TNRC6B: variants seen among roughly 807,000 people sequenced by gnomAD.
TNRC6B encodes the protein trinucleotide repeat containing adaptor 6B.
Under a neutral mutation model 203.6 loss-of-function variants are expected in TNRC6B, and 52 were observed. That is an observed-to-expected ratio of 0.26 (90% CI 0.20 to 0.32). TNRC6B has a LOEUF of 0.32. Among genes scored for constraint, TNRC6B ranks in the 10% least tolerant of loss-of-function variants. The pLI is 1.00. For missense variants in TNRC6B, 1,923 were observed against 2,286.2 expected, an observed-to-expected ratio of 0.84 and a Z score of 3.24; for synonymous variants, 838 against 845.7, an observed-to-expected ratio of 0.99 and a Z score of 0.16.
chr22:40,294,021 G>C (rs1375908313), intron 12 of TNRC6B, among the ~76,000 whole-genome samples: 1 of 139,190 alleles, frequency 7.2e-6, no homozygotes, highest in East Asian at 2.1e-4. Context: ...ACAGGCACTT[G>C]AGCCTAGGAG....
At chr22:40,045,180 C>G (rs1175581230) in intron 1 of TNRC6B, among the ~76,000 whole-genome samples, 1 of 142,650 alleles carries the variant, frequency 7.0e-6, no homozygotes. Context: ...GGGAGCGGGC[C>G]GGGGAGGGGG....
intron 2 of TNRC6B, among the ~76,000 whole-genome samples, chr22:40,121,593 G>C (rs2068446124): frequency 6.6e-6 from 1 of 152,172 alleles, no homozygotes; most frequent in Admixed American, 6.5e-5. Flanking sequence ...CCTTTGCTGA[G>C]GCCAGCACAG....
chr22:40,180,568 G>A (rs1234024569), intron 1 of TNRC6B, among the ~76,000 whole-genome samples: 1 of 152,150 alleles, frequency 6.6e-6, no homozygotes, highest in African/African-American at 2.4e-5. Context: ...TTGATAGCTC[G>A]ACTGCCATTT....
intron 1 of TNRC6B, among the ~76,000 whole-genome samples, chr22:40,180,028 C>G (rs1009957152): frequency 1.3e-5 from 2 of 152,100 alleles, no homozygotes; most frequent in Non-Finnish European, 2.9e-5. Context: ...ATAAATTCAG[C>G]TTTTGTGTAA....
chr22:40,141,851 T>G (rs1236263702), intron 3 of TNRC6B, among the ~76,000 whole-genome samples: 1 of 152,042 alleles, frequency 6.6e-6, no homozygotes, highest in African/African-American at 2.4e-5. Flanking sequence ...CTCTGCTCAC[T>G]GCAAGCTCTG....
intron 19 of TNRC6B, among the ~76,000 whole-genome samples, chr22:40,314,843 G>A (rs922324751): frequency 6.6e-6 from 1 of 152,116 alleles, no homozygotes; most frequent in Non-Finnish European, 1.5e-5. Flanking sequence ...CTAATAGACT[G>A]GATCAAGGCA....
intron 15 of TNRC6B, among the ~76,000 whole-genome samples, chr22:40,304,897 T>A (rs6001871): frequency 1.3e-3 from 198 of 152,362 alleles, no homozygotes; most frequent in African/African-American, 4.6e-3. Flanking sequence ...AGTGTACATG[T>A]GGACACGGAC....
chr22:40,141,466 G>A (rs1679867950), intron 3 of TNRC6B, among the ~76,000 whole-genome samples: 1 of 151,814 alleles, frequency 6.6e-6, no homozygotes, highest in South Asian at 2.1e-4. Context: ...CCAAAGTGCT[G>A]GGATCAAATT....
chr22:40,171,655 A>T (rs933039892), intron 4 of TNRC6B, among the ~76,000 whole-genome samples: 3 of 152,134 alleles, frequency 2.0e-5, no homozygotes, highest in African/African-American at 7.2e-5. Context: ...TAATGGATAA[A>T]ATGGCGCTGT....
At chr22:40,237,616 G>A (rs1395688025) in intron 1 of TNRC6B, among the ~76,000 whole-genome samples, 1 of 152,154 alleles carries the variant, frequency 6.6e-6, no homozygotes, top group Non-Finnish European at 1.5e-5. Context: ...GAAGGAAGAA[G>A]TGGGGGTAGC....
chr22:40,143,258 C>T (rs1022223485), intron 3 of TNRC6B, among the ~76,000 whole-genome samples: 17 of 151,950 alleles, frequency 1.1e-4, no homozygotes, highest in African/African-American at 1.7e-4. Flanking sequence ...GGCAAGACCC[C>T]GACTCTACAA....
intron 1 of TNRC6B, among the ~76,000 whole-genome samples, chr22:40,085,880 G>GTTGTTGTTGTTT (rs1257543600): frequency 6.6e-6 from 1 of 151,828 alleles, no homozygotes; most frequent in Non-Finnish European, 1.5e-5. Flanking sequence ...TGTTGTTGTT[G>GTTGTTGTTGTTT]TTGTTGTTGA....
Position 40,330,332 on chromosome 22 carries a change from C to G in TNRC6B, c.*7091C>G, listed in dbSNP as rs542848944. The G allele has an allele frequency of 2.6e-5, 4 of 152,314 alleles. No individual in the cohort carries two copies. The East Asian group carries it at 7.7e-4, about 29-fold the overall frequency. 9.4% of individuals were successfully genotyped at this position (152,314 alleles called of 1,614,324 possible). ...TTCTCTCCCGCCTTCCGGAATCTGG[C>G]GTTCCTTCCCCTTCGGCTACTGAAA... On this transcript the variant is annotated 3_prime_UTR_variant, in exon 23 of 23. Coordinates refer to ENST00000454349, the MANE Select transcript of TNRC6B (RefSeq NM_001162501.2).
At chr22:40,224,851 G>T (rs940863148) in intron 1 of TNRC6B, among the ~76,000 whole-genome samples, 4 of 152,180 alleles carry the variant, frequency 2.6e-5, no homozygotes, top group Non-Finnish European at 5.9e-5. Context: ...TTCTCCGGGC[G>T]CCGTGTGCCT....
chr22:40,238,148 C>T (rs1049947743), intron 1 of TNRC6B, among the ~76,000 whole-genome samples: 1 of 151,982 alleles, frequency 6.6e-6, no homozygotes, highest in African/African-American at 2.4e-5. Flanking sequence ...GTGTTTGTGC[C>T]ACGGACATAG....
chr22:40,174,168 T>TC (rs1491183594), upstream of TNRC6B, among the ~76,000 whole-genome samples: 2 of 151,110 alleles, frequency 1.3e-5, no homozygotes, highest in East Asian at 3.9e-4. Context: ...TTTTTCTTTT[T>TC]CTTTTTTTTT....
At position 40,177,937 on chromosome 22, in the gene TNRC6B, G is replaced by GGA. The variant is rs530386816; in HGVS notation, c.-189_-188dup. On this transcript the variant is annotated 5_prime_UTR_variant, in exon 1 of 23. Coordinates refer to ENST00000454349, the MANE Select transcript of TNRC6B (RefSeq NM_001162501.2). The stretch of plus-strand genomic sequence containing the variant: ...AGCTGCTTCCTTTAGAGACAGAGAG[G>GGA]GAGAGAGAGAGCAAGAGGGAGAGTG... 5.1e-6 allele frequency: 7 copies of GGA among 1,382,848 alleles called. No individual in the cohort carries two copies. Among genetic ancestry groups the GGA allele is most frequent in the East Asian group, 2.7e-5 (1 of 36,808 alleles). 85.7% of individuals were successfully genotyped at this position (1,382,848 alleles called of 1,614,324 possible).
intron 1 of TNRC6B, among the ~76,000 whole-genome samples, chr22:40,189,129 G>A (rs929367658): frequency 1.3e-5 from 2 of 152,238 alleles, no homozygotes; most frequent in Non-Finnish European, 2.9e-5. Flanking sequence ...AGTAGAAGAT[G>A]GATATTTTTG....
At chr22:40,084,475 T>C (rs2068086191) in intron 1 of TNRC6B, among the ~76,000 whole-genome samples, 1 of 152,188 alleles carries the variant, frequency 6.6e-6, no homozygotes, top group Non-Finnish European at 1.5e-5. Context: ...TGACTAATTG[T>C]GCCAGAGAGT....
Sources: allele counts gnomAD v4.1 joint callset (sites outside exome capture counted in the v4.1 genomes callset), GRCh38; gene constraint gnomAD v4.1.1; transcripts MANE v1.5; gene names NCBI Gene and HGNC (gene_info 2026-07-23, HGNC 2026-07-21).